MAP3K13: variants seen among roughly 807,000 people sequenced by gnomAD.
The protein encoded by MAP3K13 is mitogen-activated protein kinase kinase kinase 13, also known as leucine zipper-bearing kinase.
Under a neutral mutation model 104.0 loss-of-function variants are expected in MAP3K13, and 52 were observed. That is an observed-to-expected ratio of 0.50 (90% CI 0.40 to 0.63). The LOEUF (loss-of-function observed/expected upper bound fraction) is 0.63. Ranked by LOEUF, MAP3K13 falls within the 20% of genes least tolerant of loss-of-function variation. The pLI is 0.00. For synonymous variants in MAP3K13, 394 were observed against 442.2 expected, an observed-to-expected ratio of 0.89 and a Z score of 1.37; for missense variants, 914 against 1,218.5, an observed-to-expected ratio of 0.75 and a Z score of 3.72.
At chr3:185,368,484 A>G (rs1723996458) in intron 1 of MAP3K13, among the ~76,000 whole-genome samples, 1 of 152,164 alleles carries the variant, frequency 6.6e-6, no homozygotes, top group Admixed American at 6.5e-5. Flanking sequence ...ATATAGGGTT[A>G]AGTGTTGGCA....
At chr3:185,285,446 C>A in intron 1 of MAP3K13, 1 of 502,070 alleles carries the variant, frequency 2.0e-6, no homozygotes, top group South Asian at 3.5e-5. Context: ...TGTAGTATAA[C>A]TTTTATTCAT....
chr3:185,442,995 T>C (rs982364470), intron 3 of MAP3K13, among the ~76,000 whole-genome samples: 6 of 152,166 alleles, frequency 3.9e-5, no homozygotes, highest in Non-Finnish European at 8.8e-5. Context: ...CGCGCCACCA[T>C]GCCCAGCTAA....
intron 7 of MAP3K13, among the ~76,000 whole-genome samples, chr3:185,457,520 G>A (rs1687020266): frequency 6.6e-6 from 1 of 152,132 alleles, no homozygotes; most frequent in South Asian, 2.1e-4. Context: ...GCTCCCTTGG[G>A]CCTATTTGAT....
At chr3:185,336,620 G>A (rs1425175813) in intron 2 of MAP3K13, among the ~76,000 whole-genome samples, 1 of 149,478 alleles carries the variant, frequency 6.7e-6, no homozygotes, top group Non-Finnish European at 1.5e-5. Flanking sequence ...TACTGTTATA[G>A]ATATCAGTTT....
At position 185,469,781 on chromosome 3, in the gene MAP3K13, G is replaced by A. The variant is rs74696206; in HGVS notation, c.1643+2818G>A. On this transcript the variant is annotated intron_variant, in intron 10 of 13. Transcript: ENST00000265026. ...CCAGACCTACTAAATCAAAGTCTTC[G>A]TGTTTAACAAGCTCCCCGGGTGATT... is the stretch of plus-strand genomic sequence containing the variant. 4.4e-3 allele frequency among the ~76,000 whole-genome samples: 670 copies of A among 152,250 alleles called. 4 individuals are homozygous for A. The highest frequency in any genetic ancestry group is 0.015 in the African/African-American group (607 of 41,524).
chr3:185,397,039 G>GC (rs572371282), intron 1 of MAP3K13, among the ~76,000 whole-genome samples: 1 of 150,786 alleles, frequency 6.6e-6, no homozygotes, highest in Non-Finnish European at 1.5e-5. Flanking sequence ...ATTCTTGTTT[G>GC]TTTTTTTTTC....
At chr3:185,362,115 C>A (rs1226238181), upstream of MAP3K13, among the ~76,000 whole-genome samples, 1 of 152,184 alleles carries the variant, frequency 6.6e-6, no homozygotes, top group Non-Finnish European at 1.5e-5. Flanking sequence ...GGTCACTGGA[C>A]ACCTCATAAC....
intron 2 of MAP3K13, among the ~76,000 whole-genome samples, chr3:185,433,469 C>G (rs1437139531): frequency 6.6e-6 from 1 of 152,026 alleles, no homozygotes; most frequent in East Asian, 2.0e-4. Context: ...TAATTTTGTG[C>G]ATCCTTATCA....
chr3:185,357,187 G>A (rs1299623761), intron 2 of MAP3K13, among the ~76,000 whole-genome samples: 1 of 151,324 alleles, frequency 6.6e-6, no homozygotes, highest in Non-Finnish European at 1.5e-5. Context: ...GCTCACGCCC[G>A]TAATCCCAGC....
intron 12 of MAP3K13, 113 bp downstream of exon 12, chr3:185,477,509 G>A (rs1294285826): frequency 1.4e-6 from 1 of 736,096 alleles, no homozygotes; most frequent in Non-Finnish European, 2.4e-6. Flanking sequence ...ACCTTATAGG[G>A]AACTTTGAAC....
At chr3:185,378,757 C>T (rs563138398) in intron 1 of MAP3K13, among the ~76,000 whole-genome samples, 16 of 152,112 alleles carry the variant, frequency 1.1e-4, no homozygotes, top group African/African-American at 2.4e-4. Flanking sequence ...AGGGAGGGAC[C>T]GACGTGTAAA....
At chr3:185,341,310 A>G (rs749479760) in intron 2 of MAP3K13, among the ~76,000 whole-genome samples, 2 of 152,192 alleles carry the variant, frequency 1.3e-5, no homozygotes, top group Non-Finnish European at 2.9e-5. Flanking sequence ...AGAGGTTGAG[A>G]CTGGAGTGAA....
chr3:185,400,905 GT>G (rs71164506), intron 1 of MAP3K13, among the ~76,000 whole-genome samples: 47,329 of 107,334 alleles, frequency 0.44, 8,112 homozygotes, highest in Middle Eastern at 0.5. Flanking sequence ...GTGTTTGTTT[GT>G]TTTTTTTTTT....
Position 185,428,876 on chromosome 3 carries a change from CAG to C in MAP3K13, c.296_297del (p.Gln99ArgfsTer15), listed in dbSNP as rs1714585890. The C allele has an allele frequency of 1.2e-6, 2 of 1,614,156 alleles. No individual in the cohort carries two copies. The highest frequency in any genetic ancestry group is 4.5e-5 in the East Asian group (2 of 44,882). ...EHDESETAVS[Q>X]GNSNTVDGES... ...CGATGAATCAGAGACGGCGGTGTCT[CAG>C]GGGAACAGCAACACGGTGGACGGAG... On this transcript the variant is annotated frameshift_variant, in exon 2 of 14. Transcript: ENST00000265026. LOFTEE classifies it high-confidence loss of function.
chr3:185,331,584 C>A (rs1333036745), intron 2 of MAP3K13, among the ~76,000 whole-genome samples: 1 of 152,102 alleles, frequency 6.6e-6, no homozygotes, highest in Non-Finnish European at 1.5e-5. Flanking sequence ...TTGTCAGTGC[C>A]TAGGATAGTG....
chr3:185,429,014 A>T lies in MAP3K13; in HGVS notation c.433A>T (p.Ile145Phe). ...FGCLRPVWNIIGKAYSTDYKL... is the reference protein window; with the variant it reads ...FGCLRPVWNIFGKAYSTDYKL... ...ATGCTTAAGGCCTGTATGGAATATCATTGGGAAGGCATATTCCACTGATTA... is the reference window on the plus strand; with the variant it reads ...ATGCTTAAGGCCTGTATGGAATATCTTTGGGAAGGCATATTCCACTGATTA... The change falls in exon 2 of 14, where the codon ATT becomes TTT. Residue 145 changes from isoleucine to phenylalanine, a missense_variant. Coordinates refer to ENST00000265026, the MANE Select transcript of MAP3K13 (RefSeq NM_004721.5). 6.2e-7 allele frequency: 1 copy of T among 1,614,152 alleles called. No individual in the cohort carries two copies. Among genetic ancestry groups the T allele is most frequent in the African/African-American group, 1.3e-5 (1 of 75,044 alleles).
At chr3:185,425,052 T>C (rs546427266) in intron 1 of MAP3K13, among the ~76,000 whole-genome samples, 2 of 152,326 alleles carry the variant, frequency 1.3e-5, no homozygotes, top group African/African-American at 4.8e-5. Flanking sequence ...TTTTGTACTT[T>C]TTGCCATGTT....
At chr3:185,414,688 T>G (rs1713642999) in intron 1 of MAP3K13, among the ~76,000 whole-genome samples, 1 of 152,218 alleles carries the variant, frequency 6.6e-6, no homozygotes, top group African/African-American at 2.4e-5. Context: ...AGTCTGTTAC[T>G]GATGCTCTTC....
At chr3:185,380,266 A>C (rs1190170149) in intron 1 of MAP3K13, among the ~76,000 whole-genome samples, 1 of 151,366 alleles carries the variant, frequency 6.6e-6, no homozygotes, top group Non-Finnish European at 1.5e-5. Flanking sequence ...TAATCCCAGC[A>C]CTTTGGGAAG....
Sources: allele counts gnomAD v4.1 joint callset (sites outside exome capture counted in the v4.1 genomes callset), GRCh38; gene constraint gnomAD v4.1.1; transcripts MANE v1.5; gene names NCBI Gene and HGNC (gene_info 2026-07-23, HGNC 2026-07-21).